CRTC3: variants seen among roughly 807,000 people sequenced by gnomAD.
CRTC3 encodes the protein CREB regulated transcription coactivator 3, also known as CREB-regulated transcription coactivator 3.
A neutral mutation model predicts 74.5 loss-of-function variants in CRTC3; 26 were observed. The observed-to-expected ratio is 0.35, with a 90% CI of 0.26 to 0.48. The LOEUF is 0.48. Among genes scored for constraint, CRTC3 ranks in the 20% least tolerant of loss-of-function variants. CRTC3 has a pLI of 0.99. For missense variants in CRTC3, 760 were observed against 787.3 expected (o/e 0.97, Z 0.41); for synonymous variants, 377 against 325.8 (o/e 1.16, Z -1.69).
intron 2 of CRTC3, among the ~76,000 whole-genome samples, chr15:90,544,526 G>C (rs1966841005): frequency 6.6e-6 from 1 of 152,154 alleles, no homozygotes; most frequent in South Asian, 2.1e-4. Context: ...TATGGATGTA[G>C]ATAATTTATG....
At position 90,530,315 on chromosome 15, in the gene CRTC3, C is replaced by A; in HGVS notation, c.132+112C>A. The A allele has an allele frequency of 1.6e-6, 1 of 609,446 alleles. No individual in the cohort carries two copies. The highest frequency in any genetic ancestry group is 2.1e-6 in the Non-Finnish European group (1 of 486,332). The allele number at this position is 609,446 out of a possible 1,614,324, so 37.8% of individuals were successfully genotyped here. On this transcript the variant is annotated intron_variant, in intron 1 of 14. Coordinates refer to ENST00000268184, the MANE Select transcript of CRTC3 (RefSeq NM_022769.5). This position sits in a 1 kb window ranked among gnomAD's most constrained non-coding sequence, Gnocchi z 6.2. ...ATGGCGGGGCCGGGCGGGGGCCGCG[C>A]CCGGGAACCGGCGGCTGGGAGGGGG...
At chr15:90,614,261 T>G (rs960243559) in intron 6 of CRTC3, 192 bp from the exon 7 acceptor site, 9 of 510,804 alleles carry the variant, frequency 1.8e-5, no homozygotes, top group African/African-American at 5.9e-5. Context: ...GAACCAAATT[T>G]AGTTTCAAAT....
At chr15:90,549,090 A>G (rs1023009157) in intron 2 of CRTC3, among the ~76,000 whole-genome samples, 7 of 152,170 alleles carry the variant, frequency 4.6e-5, no homozygotes, top group African/African-American at 1.4e-4. Flanking sequence ...CTTTTCTTTC[A>G]GTAGTTTTGC....
At chr15:90,622,074 G>A (rs1431113612) in intron 9 of CRTC3, among the ~76,000 whole-genome samples, 1 of 152,160 alleles carries the variant, frequency 6.6e-6, no homozygotes, top group Non-Finnish European at 1.5e-5. Flanking sequence ...AGTGTGAAGC[G>A]ACGCAGAGAG....
intron 7 of CRTC3, 161 bp downstream of exon 7, chr15:90,614,649 C>A: frequency 1.8e-6 from 1 of 554,630 alleles, no homozygotes; most frequent in African/African-American, 1.9e-5. Context: ...AAAATTAAGG[C>A]TAGCCATGTT....
intron 1 of CRTC3, among the ~76,000 whole-genome samples, chr15:90,537,087 G>A (rs1966731376): frequency 6.6e-6 from 1 of 152,198 alleles, no homozygotes; most frequent in Admixed American, 6.5e-5. Flanking sequence ...TCATTCTTTG[G>A]TTCACATGTT....
At chr15:90,603,535 C>T (rs1258108073) in intron 4 of CRTC3, among the ~76,000 whole-genome samples, 1 of 152,124 alleles carries the variant, frequency 6.6e-6, no homozygotes, top group Non-Finnish European at 1.5e-5. Flanking sequence ...GTAATTTGCA[C>T]AGTGTATTTG....
chr15:90,629,221 T>C lies in CRTC3; in HGVS notation c.968-13T>C. 2 of 1,600,778 alleles carry C rather than the reference T, an allele frequency of 1.2e-6. No homozygotes were observed. The highest frequency in any genetic ancestry group is 1.7e-6 in the Non-Finnish European group (2 of 1,171,460). ...TGAAATTATAAGTAACTTGTGAATTTGTTGTCTTCCAGGTCTCCAGAGTTC... is the reference window on the plus strand; with the variant it reads ...TGAAATTATAAGTAACTTGTGAATTCGTTGTCTTCCAGGTCTCCAGAGTTC... On this transcript the variant is annotated splice_polypyrimidine_tract_variant and intron_variant, in intron 10 of 14. Coordinates refer to ENST00000268184, the MANE Select transcript of CRTC3 (RefSeq NM_022769.5).
rs923575606 is a variant in CRTC3, at chr15:90,641,032, C to G, written c.1549-65C>G. ...CAGGTTTTGCTCTGGGAGCACATTG[C>G]AATACTCACTTCCTCCTTGGAAACA... On this transcript the variant is annotated intron_variant, in intron 13 of 14. Transcript: ENST00000268184. 6 of 1,035,480 alleles carry G rather than the reference C, an allele frequency of 5.8e-6. No homozygotes were observed. In the Admixed American group the frequency reaches 7.1e-5, roughly 12 times the overall value. 64.1% of individuals were successfully genotyped at this position (1,035,480 alleles called of 1,614,324 possible).
intron 11 of CRTC3, among the ~76,000 whole-genome samples, chr15:90,632,435 T>TA (rs1408917247): frequency 6.6e-6 from 1 of 152,060 alleles, no homozygotes; most frequent in Non-Finnish European, 1.5e-5. Context: ...ATCTATCTCT[T>TA]AAAAAAAGGA....
intron 2 of CRTC3, among the ~76,000 whole-genome samples, chr15:90,549,294 G>A (rs1012863407): frequency 6.6e-6 from 1 of 151,960 alleles, no homozygotes; most frequent in Admixed American, 6.6e-5. Context: ...TGGTGTGTGT[G>A]TGTGTGTGTG....
chr15:90,626,111 T>C (rs1461862902), intron 10 of CRTC3, 118 bp downstream of exon 10: 2 of 783,130 alleles, frequency 2.6e-6, no homozygotes, highest in African/African-American at 1.7e-5. Flanking sequence ...GAGATGATAA[T>C]GTACCTTCTT....
intron 9 of CRTC3, 136 bp downstream of exon 9, chr15:90,619,926 A>G: frequency 1.5e-6 from 1 of 683,140 alleles, no homozygotes. Context: ...ATTTTCATAA[A>G]AACAGCCACT....
intron 9 of CRTC3, among the ~76,000 whole-genome samples, chr15:90,623,437 C>T (rs1968719560): frequency 1.3e-5 from 2 of 152,166 alleles, no homozygotes; most frequent in African/African-American, 4.8e-5. Flanking sequence ...CCCTCATTCC[C>T]AATCTGCTCA....
chr15:90,632,686 C>T lies in CRTC3; in HGVS notation c.1266+3154C>T, dbSNP rs1444715580. ...GTGGTGCGATCTCAACTCACTGAAA[C>T]CTCCACCTCCCAGGTTCAAGCGATT... is the stretch of plus-strand genomic sequence containing the variant. On this transcript the variant is annotated intron_variant, in intron 11 of 14. Transcript: ENST00000268184. Among the ~76,000 whole-genome samples, 5 of 152,236 alleles carry T rather than the reference C, an allele frequency of 3.3e-5. No homozygotes were observed. The East Asian group carries it at 9.7e-4, about 29-fold the overall frequency.
At position 90,530,360 on chromosome 15, in the gene CRTC3, C is replaced by T. The variant is rs1966605761; in HGVS notation, c.132+157C>T. Among the ~76,000 whole-genome samples, 2 of 151,602 alleles carry T rather than the reference C, an allele frequency of 1.3e-5. No individual in the cohort carries two copies. The highest frequency in any genetic ancestry group is 3.0e-5 in the Non-Finnish European group (2 of 67,794). Reference sequence around the variant, plus strand: ...AGGGGGACCGGAGCGGCCGCGGCCTCGGCGTTTCCCCGCCTGGCGACACCC... The same window carrying T: ...AGGGGGACCGGAGCGGCCGCGGCCTTGGCGTTTCCCCGCCTGGCGACACCC... On this transcript the variant is annotated intron_variant, in intron 1 of 14. Transcript: ENST00000268184. This position sits in a 1 kb window ranked among gnomAD's most constrained non-coding sequence, Gnocchi z 6.2.
chr15:90,566,419 G>A (rs1276116865), intron 2 of CRTC3, among the ~76,000 whole-genome samples: 3 of 151,828 alleles, frequency 2.0e-5, no homozygotes, highest in Admixed American at 6.6e-5. Context: ...GCATGGTGGC[G>A]TGTGCCTGTA....
intron 2 of CRTC3, among the ~76,000 whole-genome samples, chr15:90,557,241 T>C (rs569276629): frequency 6.6e-6 from 1 of 152,202 alleles, no homozygotes; most frequent in Admixed American, 6.5e-5. Flanking sequence ...TCCTTAACCT[T>C]GTACTTCTAG....
chr15:90,644,346 G>A lies in CRTC3; in HGVS notation c.*2206G>A, dbSNP rs1273483158. 4.3e-6 allele frequency: 1 copy of A among 230,390 alleles called. No homozygotes were observed. The highest frequency in any genetic ancestry group is 2.2e-5 in the African/African-American group (1 of 45,148). The allele number at this position is 230,390 out of a possible 1,614,324, so 14.3% of individuals were successfully genotyped here. On this transcript the variant is annotated 3_prime_UTR_variant, in exon 15 of 15. Coordinates refer to ENST00000268184, the MANE Select transcript of CRTC3 (RefSeq NM_022769.5). ...ACTCTCAACAGGCGATGGTGCTGAT[G>A]TTTCAAGAATTGTGTTTTTATAAAA... is the stretch of plus-strand genomic sequence containing the variant.
Sources: allele counts gnomAD v4.1 joint callset (sites outside exome capture counted in the v4.1 genomes callset), GRCh38; gene constraint gnomAD v4.1.1; non-coding constraint Gnocchi (gnomAD v3.1); transcripts MANE v1.5; gene names NCBI Gene and HGNC (gene_info 2026-07-23, HGNC 2026-07-21).